KLHL29: variants seen among roughly 807,000 people sequenced by gnomAD.
KLHL29 encodes the protein kelch-like protein 29.
A neutral mutation model predicts 80.4 loss-of-function variants in KLHL29; 21 were observed. That is an observed-to-expected ratio of 0.26 (90% CI 0.19 to 0.38). The LOEUF (loss-of-function observed/expected upper bound fraction) is 0.38, where lower values mean the gene tolerates loss of function less well. Ranked by LOEUF, KLHL29 falls within the 10% of genes least tolerant of loss-of-function variation. The probability of loss-of-function intolerance (pLI) is 1.00; values close to 1 mark genes in which losing one functional copy is unlikely to be tolerated. For synonymous variants in KLHL29, 511 were observed against 526.8 expected (o/e 0.97, Z 0.41); for missense variants, 867 against 1,223.9 (o/e 0.71, Z 4.35).
At position 23,621,863 on chromosome 2, in the gene KLHL29, C is replaced by T. The variant is rs567023679; in HGVS notation, c.286-17276C>T. ...TCAAATGCAGCTCACCATATCCAGG[C>T]GTCCAAATAGGGGCAGCTACCACAT... is the stretch of plus-strand genomic sequence containing the variant. On this transcript the variant is annotated intron_variant, in intron 3 of 13. Coordinates refer to ENST00000486442, the MANE Select transcript of KLHL29 (RefSeq NM_052920.2). 5.9e-5 allele frequency among the ~76,000 whole-genome samples: 9 copies of T among 152,262 alleles called. No homozygotes were observed. In the South Asian group the frequency reaches 1.7e-3, roughly 28 times the overall value.
chr2:23,558,678 A>T (rs543324732), intron 2 of KLHL29, among the ~76,000 whole-genome samples: 2 of 152,332 alleles, frequency 1.3e-5, no homozygotes, highest in Middle Eastern at 6.8e-3. Context: ...TTCTGGGATT[A>T]CAGGCGTGAG....
At chr2:23,431,014 C>T (rs1050269744) in intron 1 of KLHL29, among the ~76,000 whole-genome samples, 4 of 152,236 alleles carry the variant, frequency 2.6e-5, no homozygotes, top group African/African-American at 4.8e-5. Flanking sequence ...TTGAAATAGA[C>T]GGACACAACA....
chr2:23,534,353 C>G (rs959231571), intron 2 of KLHL29, among the ~76,000 whole-genome samples: 3 of 152,172 alleles, frequency 2.0e-5, no homozygotes, highest in African/African-American at 7.2e-5. Context: ...TGTTCCTTAA[C>G]AGGCATTTAA....
intron 11 of KLHL29, among the ~76,000 whole-genome samples, chr2:23,699,445 C>A (rs1862900): frequency 0.53 from 80,466 of 152,038 alleles, 22,141 homozygotes; most frequent in East Asian, 0.79. Context: ...AGACCAGCCC[C>A]CAAGGAACCC....
Position 23,706,527 on chromosome 2 carries a change from A to G in KLHL29, c.2491A>G (p.Ser831Gly). 2.0e-6 allele frequency: 3 copies of G among 1,536,034 alleles called. No homozygotes were observed. The highest frequency in any genetic ancestry group is 2.6e-6 in the Non-Finnish European group (3 of 1,146,340). ...GATTTATGCAACTGGAGGTATTGTC[A>G]GCAGTGAAGGGCCCGCGCTGGGCAA... is the stretch of plus-strand genomic sequence containing the variant. ...GKIYATGGIV[S>G]SEGPALGNME... The change falls in exon 14 of 14, where the codon AGC becomes GGC. Residue 831 changes from serine (S) to glycine (G), a missense_variant. Around this residue, in one of 2 missense-constraint regions of KLHL29, gnomAD observed 443 missense variants for 767.0 expected, o/e 0.58. Coordinates refer to ENST00000486442, the MANE Select transcript of KLHL29 (RefSeq NM_052920.2).
At chr2:23,442,967 T>C (rs1053279661) in intron 1 of KLHL29, among the ~76,000 whole-genome samples, 3 of 152,178 alleles carry the variant, frequency 2.0e-5, no homozygotes, top group Admixed American at 2.0e-4. Flanking sequence ...TATCTATGCT[T>C]CCCACTGGTT....
chr2:23,445,453 CTT>C (rs1663646572), intron 1 of KLHL29, among the ~76,000 whole-genome samples: 1 of 152,234 alleles, frequency 6.6e-6, no homozygotes, highest in Admixed American at 6.5e-5. Flanking sequence ...AGGCCATCCT[CTT>C]TGTCCATTGC....
At chr2:23,564,657 T>C (rs915690697) in intron 3 of KLHL29, among the ~76,000 whole-genome samples, 2 of 152,230 alleles carry the variant, frequency 1.3e-5, no homozygotes, top group Non-Finnish European at 2.9e-5. Flanking sequence ...GCCTGTCCCC[T>C]AGCCTATGTG....
At chr2:23,565,679 TG>T (rs778064473) in intron 3 of KLHL29, among the ~76,000 whole-genome samples, 6 of 145,852 alleles carry the variant, frequency 4.1e-5, no homozygotes, top group Admixed American at 6.8e-5. Flanking sequence ...GTGGGGTGGG[TG>T]GGCGAGGTTG....
chr2:23,611,652 A>AT (rs1668873938), intron 3 of KLHL29, among the ~76,000 whole-genome samples: 1 of 152,224 alleles, frequency 6.6e-6, no homozygotes, highest in African/African-American at 2.4e-5. Context: ...ACAATAACAA[A>AT]TATCAGTAGA....
intron 1 of KLHL29, 77 bp downstream of exon 1, chr2:23,385,857 C>A (rs1372700963): frequency 6.6e-6 from 1 of 151,738 alleles, no homozygotes; most frequent in Non-Finnish European, 1.5e-5. Flanking sequence ...CGCGTGGGGC[C>A]GGGCCGGGCC....
chr2:23,393,597 G>A (rs114648840), intron 1 of KLHL29, among the ~76,000 whole-genome samples: 2,704 of 152,268 alleles, frequency 0.018, 95 homozygotes, highest in African/African-American at 0.062. Context: ...TGGGAAGGGC[G>A]ATAACACTGT....
intron 5 of KLHL29, among the ~76,000 whole-genome samples, chr2:23,671,338 G>T (rs1045335301): frequency 1.3e-5 from 2 of 151,768 alleles, no homozygotes; most frequent in African/African-American, 4.8e-5. Flanking sequence ...TTCTCTCTGC[G>T]TCTCTTTCCA....
intron 2 of KLHL29, among the ~76,000 whole-genome samples, chr2:23,504,491 T>C (rs1665539877): frequency 6.6e-6 from 1 of 152,196 alleles, no homozygotes; most frequent in Non-Finnish European, 1.5e-5. Flanking sequence ...GGCGGCTGTC[T>C]GGAGCCCCGG....
intron 1 of KLHL29, among the ~76,000 whole-genome samples, chr2:23,436,583 G>A (rs947075310): frequency 3.4e-4 from 51 of 150,994 alleles, no homozygotes; most frequent in African/African-American, 1.1e-3. Flanking sequence ...GGCTCTTGTC[G>A]TTAGCAGTAC....
At chr2:23,490,770 GGGC>G (rs1665073963) in intron 2 of KLHL29, among the ~76,000 whole-genome samples, 1 of 152,128 alleles carries the variant, frequency 6.6e-6, no homozygotes, top group African/African-American at 2.4e-5. Context: ...TCCCTCCTCA[GGGC>G]TGGTTACATG....
chr2:23,696,438 A>G lies in KLHL29; in HGVS notation c.2030A>G (p.Asn677Ser), dbSNP rs775548063. The change falls in exon 11 of 14, where the codon AAT becomes AGT. Residue 677 changes from asparagine (N) to serine (S), a missense_variant. Coordinates refer to ENST00000486442, the MANE Select transcript of KLHL29 (RefSeq NM_052920.2). This position sits in a 1 kb window ranked among gnomAD's most constrained non-coding sequence, Gnocchi z 5.5. The part of the protein sequence containing the change: ...SRMTVPRCRH[N>S]SLVYDGKIYT... ...ATGACAGTCCCCCGCTGTCGGCACAATAGCCTCGTCTACGATGGGAAGATT... is the reference window on the plus strand; with the variant it reads ...ATGACAGTCCCCCGCTGTCGGCACAGTAGCCTCGTCTACGATGGGAAGATT... The G allele has an allele frequency of 1.3e-6, 2 of 1,551,206 alleles. No individual in the cohort carries two copies. The highest frequency in any genetic ancestry group is 1.4e-5 in the African/African-American group (1 of 73,014).
At chr2:23,670,917 G>GCGCGCACTCTCTCTCTCTCTCT (rs150131401) in intron 5 of KLHL29, among the ~76,000 whole-genome samples, 1 of 18,534 alleles carries the variant, frequency 5.4e-5, no homozygotes, top group Non-Finnish European at 1.2e-4. Flanking sequence ...ACATGCACGC[G>GCGCGCACTCTCTCTCTCTCTCT]CTCTCTCTCT....
At chr2:23,656,136 A>G (rs1331692939) in intron 5 of KLHL29, among the ~76,000 whole-genome samples, 2 of 152,186 alleles carry the variant, frequency 1.3e-5, no homozygotes, top group African/African-American at 4.8e-5. Flanking sequence ...CTTGGAAGAG[A>G]TTTCTGTGCA....
Sources: allele counts gnomAD v4.1 joint callset (sites outside exome capture counted in the v4.1 genomes callset), GRCh38; gene constraint gnomAD v4.1.1; regional missense constraint gnomAD v4.1.1; non-coding constraint Gnocchi (gnomAD v3.1); transcripts MANE v1.5; gene names NCBI Gene and HGNC (gene_info 2026-07-23, HGNC 2026-07-21).